The following MSRB3 variants were observed in gnomAD, a reference collection of about 807,000 sequenced individuals.
MSRB3 encodes methionine sulfoxide reductase B3, also known as methionine-R-sulfoxide reductase B3.
A neutral mutation model predicts 21.0 loss-of-function variants in MSRB3; 13 were observed. That is an observed-to-expected ratio of 0.62 (90% CI 0.40 to 0.98). The LOEUF (loss-of-function observed/expected upper bound fraction) is 0.98, where lower values mean the gene tolerates loss of function less well. MSRB3 is among the 50% of genes least tolerant of loss of function. The pLI, the probability that MSRB3 is intolerant of heterozygous loss-of-function variation, is 0.00. For missense variants in MSRB3, 199 were observed against 230.3 expected, an observed-to-expected ratio of 0.86 and a Z score of 0.88; for synonymous variants, 87 against 88.6, an observed-to-expected ratio of 0.98 and a Z score of 0.10.
chr12:65,374,979 A>G (rs1288136466), intron 5 of MSRB3, among the ~76,000 whole-genome samples: 1 of 149,882 alleles, frequency 6.7e-6, no homozygotes, highest in East Asian at 2.0e-4. Context: ...CCTCTCGAGT[A>G]GCCGGGACTA....
intron 5 of MSRB3, among the ~76,000 whole-genome samples, chr12:65,369,910 T>C (rs1468192869): frequency 6.6e-6 from 1 of 152,198 alleles, no homozygotes; most frequent in Non-Finnish European, 1.5e-5. Flanking sequence ...TTTTTACTTA[T>C]TATATTCACA....
intron 4 of MSRB3, among the ~76,000 whole-genome samples, chr12:65,353,620 T>C (rs1319917456): frequency 6.6e-6 from 1 of 152,174 alleles, no homozygotes; most frequent in Non-Finnish European, 1.5e-5. Context: ...TATGTGTGTC[T>C]CTGCATGTGA....
At chr12:65,322,994 G>A (rs1874784885) in intron 2 of MSRB3, among the ~76,000 whole-genome samples, 1 of 152,102 alleles carries the variant, frequency 6.6e-6, no homozygotes, top group South Asian at 2.1e-4. Context: ...TGTTCCCAGG[G>A]AATTATTATA....
At chr12:65,376,953 T>C (rs1046423580) in intron 5 of MSRB3, among the ~76,000 whole-genome samples, 2 of 152,200 alleles carry the variant, frequency 1.3e-5, no homozygotes, top group Admixed American at 6.5e-5. Context: ...CTCCCTCATA[T>C]CTCATAGCTT....
At chr12:65,419,717 C>G in intron 5 of MSRB3, 1 of 848,550 alleles carries the variant, frequency 1.2e-6, no homozygotes, top group Non-Finnish European at 2.0e-6. Context: ...TTCTTGGTCT[C>G]TGGGCTCCTC....
At chr12:65,358,794 T>C (rs536154321) in intron 4 of MSRB3, among the ~76,000 whole-genome samples, 47 of 152,094 alleles carry the variant, frequency 3.1e-4, no homozygotes, top group African/African-American at 1.1e-3. Flanking sequence ...TTAAATTATA[T>C]TGCAACCTGT....
At chr12:65,422,404 ATATATATATATATATATATATATATATT>A (rs1257233923) in intron 5 of MSRB3, among the ~76,000 whole-genome samples, 8 of 33,478 alleles carry the variant, frequency 2.4e-4, no homozygotes, top group Admixed American at 6.2e-4. Context: ...ATATATATAT[ATATATATATATATATATATATATATATT>A]TATTTATTTA....
chr12:65,280,766 A>T (rs1014198648), intron 1 of MSRB3, among the ~76,000 whole-genome samples: 24 of 152,220 alleles, frequency 1.6e-4, no homozygotes, highest in African/African-American at 5.1e-4. Context: ...TTGAATCAAC[A>T]CACTGCTTTT....
At chr12:65,436,692 G>A (rs192849449) in intron 5 of MSRB3, among the ~76,000 whole-genome samples, 1 of 151,866 alleles carries the variant, frequency 6.6e-6, no homozygotes, top group East Asian at 1.9e-4. Flanking sequence ...TTAATCATCT[G>A]GTAGAATGTG....
intron 5 of MSRB3, among the ~76,000 whole-genome samples, chr12:65,373,430 A>G (rs570129448): frequency 1.3e-5 from 2 of 152,172 alleles, no homozygotes; most frequent in Non-Finnish European, 2.9e-5. Context: ...TGTGGTCCCA[A>G]CCTTATCAGG....
chr12:65,290,158 A>G (rs1872594954), intron 1 of MSRB3, among the ~76,000 whole-genome samples: 1 of 152,160 alleles, frequency 6.6e-6, no homozygotes, highest in African/African-American at 2.4e-5. Flanking sequence ...TAATAGTGAT[A>G]ATAATACCAA....
At chr12:65,446,926 T>C (rs1412691160) in intron 5 of MSRB3, among the ~76,000 whole-genome samples, 2 of 152,210 alleles carry the variant, frequency 1.3e-5, no homozygotes, top group Non-Finnish European at 2.9e-5. Flanking sequence ...TAGACTAGTT[T>C]TACATTTTCC....
At chr12:65,299,811 G>A (rs1485351800) in intron 1 of MSRB3, among the ~76,000 whole-genome samples, 1 of 151,956 alleles carries the variant, frequency 6.6e-6, no homozygotes, top group Non-Finnish European at 1.5e-5. Context: ...TATAGTTTTT[G>A]TTTCACAATG....
At chr12:65,398,486 C>T (rs1879938544) in intron 5 of MSRB3, among the ~76,000 whole-genome samples, 1 of 151,914 alleles carries the variant, frequency 6.6e-6, no homozygotes, top group Non-Finnish European at 1.5e-5. Flanking sequence ...TGTTTAAGCT[C>T]CTTGTGGATT....
intron 5 of MSRB3, among the ~76,000 whole-genome samples, chr12:65,407,994 T>A (rs1292408392): frequency 6.6e-6 from 1 of 152,174 alleles, no homozygotes; most frequent in Non-Finnish European, 1.5e-5. Context: ...TAACTATAGT[T>A]GTTTTAAATT....
intron 6 of MSRB3, among the ~76,000 whole-genome samples, chr12:65,460,875 C>T (rs995303637): frequency 2.0e-5 from 3 of 151,902 alleles, no homozygotes; most frequent in Admixed American, 6.6e-5. Context: ...GATTCAATTA[C>T]TGTAATTTGG....
At chr12:65,357,329 G>T (rs182262668) in intron 4 of MSRB3, among the ~76,000 whole-genome samples, 1 of 151,604 alleles carries the variant, frequency 6.6e-6, no homozygotes, top group Non-Finnish European at 1.5e-5. Flanking sequence ...ATCTTTATCC[G>T]CTTTGACCTG....
intron 1 of MSRB3, among the ~76,000 whole-genome samples, chr12:65,287,858 T>G (rs141524567): frequency 6.6e-6 from 1 of 151,956 alleles, no homozygotes; most frequent in Non-Finnish European, 1.5e-5. Context: ...TGCAGGGGAG[T>G]CAGTGTAGTA....
chr12:65,346,867 G>C (rs991930370), intron 4 of MSRB3, among the ~76,000 whole-genome samples: 3 of 151,976 alleles, frequency 2.0e-5, no homozygotes, highest in East Asian at 1.9e-4. Flanking sequence ...TCTTGTTTTT[G>C]TCAGGTTTGT....
Sources: gnomAD v4.1 joint callset for allele counts (sites outside exome capture counted in the v4.1 genomes callset) on GRCh38, gnomAD v4.1.1 for gene constraint, MANE v1.5 for transcripts, NCBI Gene and HGNC (gene_info 2026-07-23, HGNC 2026-07-21) for gene names.